The following ZNF185 variants were observed in gnomAD, a reference collection of about 807,000 sequenced individuals.
The protein encoded by ZNF185 is zinc finger protein 185.
In ZNF185, 56 loss-of-function variants were observed where a neutral mutation model predicts 58.6. The ratio of observed to expected loss-of-function variants is 0.95; its 90% CI spans 0.77 to 1.19. ZNF185 has a LOEUF of 1.19. Ranked by LOEUF, ZNF185 falls within the 50% of genes most tolerant of loss-of-function variation. The pLI, the probability that ZNF185 is intolerant of heterozygous loss-of-function variation, is 0.00. For missense variants in ZNF185, 627 were observed against 573.5 expected (o/e 1.09, Z -0.95); for synonymous variants, 230 against 215.9 (o/e 1.07, Z -0.57).
chrX:152,924,810 G>C (rs782316203), intron 11 of ZNF185, among the ~76,000 whole-genome samples: 1 of 111,859 alleles, frequency 8.9e-6, no homozygotes, highest in African/African-American at 3.2e-5. Flanking sequence ...TCAGCCTCCC[G>C]AGTAGCTGGG....
chrX:152,904,155 G>A, the ZNF185 span, among the ~76,000 whole-genome samples: 1 of 111,824 alleles, frequency 8.9e-6, no homozygotes, highest in Non-Finnish European at 1.9e-5. Flanking sequence ...CCAGGCGAGA[G>A]CCCCTGGGAC....
chrX:152,920,247 C>G (rs1603195989), intron 7 of ZNF185, 81 bp from the exon 9 acceptor site: 1 of 1,054,418 alleles, frequency 9.5e-7, no homozygotes, highest in East Asian at 3.1e-5. Context: ...CTAAGTCACC[C>G]CGAGTCCATC....
chrX:152,973,028 A>G (rs1284976845), exon 23 of ZNF185: 9 of 111,768 alleles, frequency 8.1e-5, no homozygotes, highest in African/African-American at 2.6e-4. Flanking sequence ...TACCCACACT[A>G]AATACCAACT....
chrX:152,919,189 C>T (rs1220980684), intron 7 of ZNF185, 108 bp downstream of exon 8: 10 of 595,450 alleles, frequency 1.7e-5, no homozygotes, highest in African/African-American at 4.5e-5. Context: ...ATGCACAACA[C>T]GTAGGCCATC....
At chrX:152,922,452 A>C (rs1482801028) in intron 10 of ZNF185, among the ~76,000 whole-genome samples, 196 bp downstream of exon 11, 2 of 111,789 alleles carry the variant, frequency 1.8e-5, no homozygotes, top group Admixed American at 9.5e-5. Context: ...GGAGCAAAAC[A>C]GTCCAGCCCC....
chrX:152,914,798 G>T, exon 2 of ZNF185: 3 of 1,188,148 alleles, frequency 2.5e-6, no homozygotes, highest in Non-Finnish European at 3.4e-6. Context: ...ACAAGAGCTG[G>T]ATTACCAAGC....
chrX:152,910,112 C>G (rs1324458785), upstream of ZNF185, among the ~76,000 whole-genome samples: 1 of 110,271 alleles, frequency 9.1e-6, no homozygotes, highest in African/African-American at 3.3e-5. Flanking sequence ...TTCCCCATGT[C>G]GGCTAGGCTG....
rs782652031 is a variant in ZNF185 at position 152,920,748 on chromosome X, GGTAA to G, written c.656+3_656+6del. On this transcript the variant is annotated splice_donor_variant and splice_donor_region_variant and intron_variant, in intron 9 of 22. Coordinates refer to ENST00000449285, the Ensembl canonical transcript of ZNF185. LOFTEE classifies it high-confidence loss of function. ...ACACAGGCACCGTTTATCGCGAAGA[GGTAA>G]GTGTCATCAAGGGACACCTTGGAGG... 4.1e-6 allele frequency: 5 copies of G among 1,211,994 alleles called. No homozygotes were observed. The South Asian group carries it at 5.3e-5, about 13-fold the overall frequency.
rs782303955 is a variant in ZNF185 at position 152,936,406 on chromosome X, C to T, written c.1122-1668C>T. 10 of 1,162,962 alleles carry T rather than the reference C, an allele frequency of 8.6e-6. No individual in the cohort carries two copies. The African/African-American group carries it at 1.8e-4, about 21-fold the overall frequency. ...GTCCTGAACCTGGACCAGGTCTGGC[C>T]TTCTTTCACAGGCTGTGTGCAGCTG... is the stretch of plus-strand genomic sequence containing the variant. On this transcript the variant is annotated intron_variant, in intron 14 of 22. Transcript: ENST00000449285.
intron 18 of ZNF185, among the ~76,000 whole-genome samples, 156 bp from the exon 21 acceptor site, chrX:152,965,291 C>T (rs1556913564): frequency 8.9e-6 from 1 of 111,899 alleles, no homozygotes; most frequent in Non-Finnish European, 1.9e-5. Context: ...GAGTCCACAG[C>T]AGTGCCAGTG....
intron 11 of ZNF185, among the ~76,000 whole-genome samples, chrX:152,927,875 G>T (rs1941172694): frequency 8.9e-6 from 1 of 112,533 alleles, no homozygotes; most frequent in African/African-American, 3.2e-5. Context: ...TTGCTCCATG[G>T]ACCTAAGGAG....
chrX:152,958,327 C>G (rs2049065160), intron 16 of ZNF185, among the ~76,000 whole-genome samples: 1 of 111,196 alleles, frequency 9.0e-6, no homozygotes. Flanking sequence ...GTGGGAGGAA[C>G]TAAGTTTAGA....
intron 17 of ZNF185, 53 bp from the exon 20 acceptor site, chrX:152,963,786 G>T: frequency 9.0e-7 from 1 of 1,110,954 alleles, no homozygotes. Flanking sequence ...TTTGACCCTG[G>T]AAGGTGTCAG....
chrX:152,934,380 C>G (rs1209464785), intron 14 of ZNF185, among the ~76,000 whole-genome samples: 1 of 112,409 alleles, frequency 8.9e-6, no homozygotes, highest in Non-Finnish European at 1.9e-5. Context: ...TGCTTATACA[C>G]CCTCATAACA....
chrX:152,933,045 G>A (rs781862800), intron 14 of ZNF185, 74 bp downstream of exon 15: 23 of 724,086 alleles, frequency 3.2e-5, no homozygotes, highest in Non-Finnish European at 4.3e-5. Context: ...AGGCTGCTTG[G>A]GCTGCTATGG....
chrX:152,966,153 G>A (rs959869472), intron 19 of ZNF185, among the ~76,000 whole-genome samples: 5 of 109,997 alleles, frequency 4.5e-5, no homozygotes, highest in East Asian at 2.9e-4. Context: ...GATTACAGGC[G>A]CCCACCACCA....
upstream of ZNF185, among the ~76,000 whole-genome samples, chrX:152,912,285 C>T (rs782786740): frequency 1.4e-4 from 16 of 112,625 alleles, no homozygotes; most frequent in East Asian, 2.2e-3. Context: ...GCTATAAAGA[C>T]GGGACTGAAG....
intron 7 of ZNF185, 147 bp downstream of exon 8, chrX:152,919,228 G>A: frequency 2.1e-6 from 1 of 483,180 alleles, no homozygotes; most frequent in Non-Finnish European, 3.6e-6. Context: ...ATGAGAATAG[G>A]TGTCATTCTC....
chrX:152,937,553 G>A (rs782610603), intron 14 of ZNF185, among the ~76,000 whole-genome samples: 12 of 111,726 alleles, frequency 1.1e-4, no homozygotes, highest in Admixed American at 5.7e-4. Flanking sequence ...CCGTGCACCC[G>A]CCATGTCAAG....
Sources: allele counts gnomAD v4.1 joint callset (sites outside exome capture counted in the v4.1 genomes callset), GRCh38; gene constraint gnomAD v4.1.1; transcripts MANE v1.5; gene names NCBI Gene and HGNC (gene_info 2026-07-23, HGNC 2026-07-21).